CSNK1G1: variants seen among roughly 807,000 people sequenced by gnomAD.
CSNK1G1 encodes the protein casein kinase 1 gamma 1.
CSNK1G1 carries 22 observed loss-of-function variants against 59.6 expected under a neutral mutation model. That is an observed-to-expected ratio of 0.37 (90% CI 0.26 to 0.53). The LOEUF (loss-of-function observed/expected upper bound fraction) is 0.53, where lower values mean the gene tolerates loss of function less well. CSNK1G1 is among the 20% of genes least tolerant of loss of function. CSNK1G1 has a pLI of 0.89. For missense variants in CSNK1G1, 384 were observed against 519.5 expected (o/e 0.74, Z 2.54); for synonymous variants, 179 against 177.1 (o/e 1.01, Z -0.08).
At chr15:64,296,075 T>A (rs1260968840) in intron 2 of CSNK1G1, among the ~76,000 whole-genome samples, 2 of 152,202 alleles carry the variant, frequency 1.3e-5, no homozygotes, top group African/African-American at 4.8e-5. Flanking sequence ...TACCTCCTCT[T>A]TGAAGCCTTT....
rs75165554 is a variant in CSNK1G1 at position 64,303,480 on chromosome 15, A to G, written c.-224-2757T>C. ...AAATTTAAAAATTAGGGCCGGGCAC[A>G]GTGGCTCATGCCTATAATCCTGGCA... On this transcript the variant is annotated intron_variant, in intron 1 of 11. Coordinates refer to ENST00000303052, the MANE Select transcript of CSNK1G1 (RefSeq NM_022048.5). 8.4e-3 allele frequency among the ~76,000 whole-genome samples: 1,275 copies of G among 151,860 alleles called. 19 individuals carry two copies. Among genetic ancestry groups the G allele is most frequent in the African/African-American group, 0.029 (1,196 of 41,482 alleles).
rs1305809814 is a variant in CSNK1G1 at position 64,169,918 on chromosome 15, T to A, written c.*2013A>T. 1 of 152,060 alleles carries A rather than the reference T, an allele frequency of 6.6e-6. No homozygotes were observed. Among genetic ancestry groups the A allele is most frequent in the African/African-American group, 2.4e-5 (1 of 41,390 alleles). The allele number at this position is 152,060 out of a possible 1,614,324, so 9.4% of individuals were successfully genotyped here. A position where few individuals can be genotyped will look rare whatever the true frequency, so the allele number is the denominator to read the frequency against. On this transcript the variant is annotated 3_prime_UTR_variant, in exon 12 of 12. Coordinates refer to ENST00000303052, the MANE Select transcript of CSNK1G1 (RefSeq NM_022048.5). ...AATGTTATTTCTGCTCTGTGTAAGG[T>A]ACATCAAGGGAATTTTTCAAGAAAT...
At chr15:64,217,467 G>A (rs2082326804) in intron 4 of CSNK1G1, among the ~76,000 whole-genome samples, 3 of 152,180 alleles carry the variant, frequency 2.0e-5, no homozygotes, top group Non-Finnish European at 4.4e-5. Flanking sequence ...AAAGTGCATT[G>A]TAAATATGAG....
At chr15:64,278,784 C>CA (rs1893952745) in intron 2 of CSNK1G1, among the ~76,000 whole-genome samples, 1 of 152,148 alleles carries the variant, frequency 6.6e-6, no homozygotes, top group South Asian at 2.1e-4. Flanking sequence ...TAGGAGAAGA[C>CA]AGAGTATAAT....
intron 4 of CSNK1G1, among the ~76,000 whole-genome samples, chr15:64,222,388 G>A (rs1000987779): frequency 5.4e-5 from 7 of 130,830 alleles, no homozygotes; most frequent in Admixed American, 1.8e-4. Context: ...CATGTATCCC[G>A]TTTTTTTTCT....
chr15:64,323,537 G>C (rs1834380991), intron 1 of CSNK1G1, among the ~76,000 whole-genome samples: 1 of 151,684 alleles, frequency 6.6e-6, no homozygotes, highest in Non-Finnish European at 1.5e-5. Flanking sequence ...AGCTAATTTT[G>C]TATTTTTAGT....
At chr15:64,197,583 T>A (rs2082054109) in intron 10 of CSNK1G1, among the ~76,000 whole-genome samples, 1 of 152,226 alleles carries the variant, frequency 6.6e-6, no homozygotes. Context: ...GTAGATTATA[T>A]CACTGTAGCA....
chr15:64,205,081 T>C, intron 7 of CSNK1G1, 132 bp from the exon 8 acceptor site: 1 of 554,782 alleles, frequency 1.8e-6, no homozygotes, highest in East Asian at 3.1e-5. Flanking sequence ...TTTCTAACAC[T>C]AACAAATAAG....
chr15:64,341,575 C>T (rs1286984600), intron 1 of CSNK1G1, among the ~76,000 whole-genome samples: 1 of 152,188 alleles, frequency 6.6e-6, no homozygotes, highest in Non-Finnish European at 1.5e-5. Context: ...TGGGCTCAAG[C>T]AATCCTCTTG....
intron 2 of CSNK1G1, among the ~76,000 whole-genome samples, chr15:64,265,225 T>C (rs1338177759): frequency 6.6e-6 from 1 of 151,826 alleles, no homozygotes. Context: ...AACAAACCAG[T>C]GGAAAAAGAA....
chr15:64,294,378 G>A (rs534865189), intron 2 of CSNK1G1, among the ~76,000 whole-genome samples: 1 of 152,142 alleles, frequency 6.6e-6, no homozygotes, highest in African/African-American at 2.4e-5. Context: ...CCAGCCATAA[G>A]AGGAAGCTTA....
intron 6 of CSNK1G1, among the ~76,000 whole-genome samples, chr15:64,208,352 A>T (rs2082209459): frequency 6.6e-6 from 1 of 152,182 alleles, no homozygotes; most frequent in Non-Finnish European, 1.5e-5. Context: ...AAAACAAAAA[A>T]TCAAAGTCCC....
chr15:64,290,554 G>A (rs1894682835), intron 2 of CSNK1G1, among the ~76,000 whole-genome samples: 1 of 152,026 alleles, frequency 6.6e-6, no homozygotes, highest in African/African-American at 2.4e-5. Flanking sequence ...ACAGAGTGTG[G>A]AATAATAGAC....
chr15:64,295,786 G>A (rs1035353704), intron 2 of CSNK1G1, among the ~76,000 whole-genome samples: 1 of 152,168 alleles, frequency 6.6e-6, no homozygotes, highest in African/African-American at 2.4e-5. Flanking sequence ...ACTAGATTAT[G>A]TCACTCTGTT....
intron 3 of CSNK1G1, among the ~76,000 whole-genome samples, chr15:64,258,669 T>A (rs937239018): frequency 6.6e-6 from 1 of 152,156 alleles, no homozygotes; most frequent in African/African-American, 2.4e-5. Flanking sequence ...ATTACTTTTT[T>A]AAATAGGATA....
chr15:64,333,864 A>T (rs1399233134), intron 1 of CSNK1G1, among the ~76,000 whole-genome samples: 1 of 152,172 alleles, frequency 6.6e-6, no homozygotes, highest in Non-Finnish European at 1.5e-5. Context: ...TCTTAAACAT[A>T]TATGTACCTA....
At chr15:64,260,109 T>C (rs771663306) in intron 2 of CSNK1G1, among the ~76,000 whole-genome samples, 1 of 152,194 alleles carries the variant, frequency 6.6e-6, no homozygotes, top group Non-Finnish European at 1.5e-5. Context: ...GCTTAGTACA[T>C]ATCATGTAGT....
intron 6 of CSNK1G1, among the ~76,000 whole-genome samples, chr15:64,208,059 G>T (rs2082205571): frequency 6.6e-6 from 1 of 152,182 alleles, no homozygotes; most frequent in Non-Finnish European, 1.5e-5. Flanking sequence ...TAGCAAACAT[G>T]CCAAGTGCTT....
At chr15:64,353,896 T>A (rs1898478774) in intron 1 of CSNK1G1, among the ~76,000 whole-genome samples, 1 of 152,208 alleles carries the variant, frequency 6.6e-6, no homozygotes, top group Non-Finnish European at 1.5e-5. Flanking sequence ...TAATAAGGAA[T>A]GATTTAAAGG....
Sources: gnomAD v4.1 joint callset for allele counts (sites outside exome capture counted in the v4.1 genomes callset) on GRCh38, gnomAD v4.1.1 for gene constraint, MANE v1.5 for transcripts, NCBI Gene and HGNC (gene_info 2026-07-23, HGNC 2026-07-21) for gene names.